CDH18: variants seen among roughly 807,000 people sequenced by gnomAD.
The protein encoded by CDH18 is cadherin 18, also known as cadherin-18.
CDH18 carries 31 observed loss-of-function variants against 67.9 expected under a neutral mutation model. That is an observed-to-expected ratio of 0.46 (90% CI 0.34 to 0.62). CDH18 has a LOEUF of 0.62. CDH18 is among the 20% of genes least tolerant of loss of function. The pLI, the probability that CDH18 is intolerant of heterozygous loss-of-function variation, is 0.01. For synonymous variants in CDH18, 362 were observed against 347.2 expected (o/e 1.04, Z -0.48); for missense variants, 890 against 975.5 (o/e 0.91, Z 1.17).
intron 10 of CDH18, among the ~76,000 whole-genome samples, chr5:19,512,293 T>G (rs1745249571): frequency 6.6e-6 from 1 of 152,208 alleles, no homozygotes; most frequent in Admixed American, 6.6e-5. Flanking sequence ...TAAATGAATT[T>G]TTAAAATTAT....
At chr5:20,320,601 A>G (rs138190902) in intron 1 of CDH18, among the ~76,000 whole-genome samples, 21 of 152,300 alleles carry the variant, frequency 1.4e-4, no homozygotes, top group African/African-American at 4.6e-4. Context: ...TTTACACATC[A>G]TTATCTCACT....
intron 2 of CDH18, among the ~76,000 whole-genome samples, chr5:20,039,283 AG>A (rs1740190075): frequency 6.6e-6 from 1 of 152,214 alleles, no homozygotes; most frequent in Admixed American, 6.5e-5. Flanking sequence ...AGTAATTTGT[AG>A]ATACAATGCT....
At position 19,473,259 on chromosome 5, in the gene CDH18, G is replaced by C. The variant is rs781003234; in HGVS notation, c.2340C>G (p.Leu780=). 6.2e-7 allele frequency: 1 copy of C among 1,613,382 alleles called. No individual in the cohort carries two copies. Among genetic ancestry groups the C allele is most frequent in the African/African-American group, 1.3e-5 (1 of 74,816 alleles). The change falls in exon 13 of 13, where the codon CTC becomes CTG. Residue 780 remains leucine (L), a synonymous_variant. Transcript: ENST00000382275. ...WGPEFKKLAE[L]YGEIESERTT ...TTCTTTCAGATTCTATTTCTCCATA[G>C]AGTTCAGCTAACTTTTTAAACTCGG... is the stretch of plus-strand genomic sequence containing the variant.
intron 2 of CDH18, among the ~76,000 whole-genome samples, chr5:20,206,438 T>C (rs1739896157): frequency 6.6e-6 from 1 of 151,546 alleles, no homozygotes; most frequent in Non-Finnish European, 1.5e-5. Flanking sequence ...ATTCAAAGTC[T>C]TCAAAAAAAA....
At chr5:19,587,208 T>C (rs562556459) in intron 7 of CDH18, among the ~76,000 whole-genome samples, 3 of 152,282 alleles carry the variant, frequency 2.0e-5, no homozygotes, top group Non-Finnish European at 4.4e-5. Flanking sequence ...AGCTATTTAG[T>C]TTAATTATTA....
intron 10 of CDH18, among the ~76,000 whole-genome samples, chr5:19,507,578 A>G (rs1744407645): frequency 6.6e-6 from 1 of 152,174 alleles, no homozygotes; most frequent in South Asian, 2.1e-4. Flanking sequence ...TGCAGCCATA[A>G]AAAATGATGA....
At position 19,683,103 on chromosome 5, in the gene CDH18, C is replaced by CTCTA. The variant is rs70950083; in HGVS notation, c.643+38240_643+38243dup. ...AAAATGTTCAAAGTTCAACATATAA[C>CTCTA]TCTATCTATCTATCTATCTATCTAG... On this transcript the variant is annotated intron_variant, in intron 5 of 12. Transcript: ENST00000382275. Among the ~76,000 whole-genome samples the CTCTA allele has an allele frequency of 4.1e-3, 605 of 149,148 alleles. 2 individuals are homozygous for CTCTA. Among genetic ancestry groups the CTCTA allele is most frequent in the South Asian group, 0.014 (65 of 4,740 alleles).
intron 1 of CDH18, among the ~76,000 whole-genome samples, chr5:20,529,964 T>G (rs1756299907): frequency 6.6e-6 from 1 of 152,054 alleles, no homozygotes; most frequent in Non-Finnish European, 1.5e-5. Flanking sequence ...TGTTTGCAGA[T>G]GACATGATCC....
At chr5:19,757,136 C>T (rs1771710219) in intron 3 of CDH18, among the ~76,000 whole-genome samples, 1 of 152,148 alleles carries the variant, frequency 6.6e-6, no homozygotes, top group African/African-American at 2.4e-5. Context: ...AAGTGAGTGC[C>T]TTAGTTAGAG....
chr5:20,063,314 T>C (rs986274262), intron 2 of CDH18, among the ~76,000 whole-genome samples: 4 of 151,812 alleles, frequency 2.6e-5, no homozygotes, highest in African/African-American at 9.7e-5. Flanking sequence ...CTATACTTTT[T>C]AATTTATTAA....
chr5:20,000,400 G>C (rs1736351876), intron 2 of CDH18, among the ~76,000 whole-genome samples: 1 of 152,088 alleles, frequency 6.6e-6, no homozygotes, highest in African/African-American at 2.4e-5. Context: ...TTTAGAGAAA[G>C]GATTACACAT....
chr5:19,922,055 T>C (rs1414615908), intron 2 of CDH18, among the ~76,000 whole-genome samples: 3 of 152,152 alleles, frequency 2.0e-5, no homozygotes, highest in African/African-American at 7.2e-5. Context: ...AATGTGAAGG[T>C]GGAGGGGTTG....
intron 1 of CDH18, among the ~76,000 whole-genome samples, chr5:20,302,971 A>G (rs1736078564): frequency 6.6e-6 from 1 of 152,236 alleles, no homozygotes; most frequent in Non-Finnish European, 1.5e-5. Flanking sequence ...CTCCCTTCCA[A>G]ACAGACATAT....
intron 2 of CDH18, among the ~76,000 whole-genome samples, chr5:19,940,691 T>C (rs1165171137): frequency 1.3e-5 from 2 of 152,026 alleles, no homozygotes; most frequent in East Asian, 3.9e-4. Flanking sequence ...TCATGGTTCC[T>C]GTCAATGTCA....
intron 1 of CDH18, among the ~76,000 whole-genome samples, chr5:20,312,468 T>C (rs1219380750): frequency 2.0e-5 from 3 of 152,180 alleles, no homozygotes; most frequent in South Asian, 2.1e-4. Flanking sequence ...TTACCACTTA[T>C]TAGGTTCTCG....
chr5:19,713,157 T>C (rs1218895309), intron 5 of CDH18, among the ~76,000 whole-genome samples: 2 of 151,400 alleles, frequency 1.3e-5, no homozygotes, highest in African/African-American at 4.8e-5. Context: ...TAGAGCGAGG[T>C]CACAAAAAAA....
At chr5:19,877,873 A>T (rs1438834631) in intron 2 of CDH18, 8 of 152,188 alleles carry the variant, frequency 5.3e-5, no homozygotes, top group Admixed American at 3.9e-4. Flanking sequence ...AGCTATTCAC[A>T]AAATCATTTC....
At chr5:20,523,496 T>C (rs544058333) in intron 1 of CDH18, among the ~76,000 whole-genome samples, 1 of 152,330 alleles carries the variant, frequency 6.6e-6, no homozygotes, top group African/African-American at 2.4e-5. Context: ...TTATAGCTGG[T>C]AATTTCTCAT....
At position 19,743,498 on chromosome 5, in the gene CDH18, A is replaced by T. The variant is rs1403507608; in HGVS notation, c.523+3444T>A. On this transcript the variant is annotated intron_variant, in intron 4 of 12. Transcript: ENST00000382275. ...GCCATTGCCGTGCCAAAACTACCAC[A>T]GACAATCTTCAAGTAAAGGAGTGTA... Among the ~76,000 whole-genome samples the T allele has an allele frequency of 2.0e-5, 3 of 151,632 alleles. No homozygotes were observed. The East Asian group carries it at 5.8e-4, about 29-fold the overall frequency.
Sources: gnomAD v4.1 joint callset for allele counts (sites outside exome capture counted in the v4.1 genomes callset) on GRCh38, gnomAD v4.1.1 for gene constraint, MANE v1.5 for transcripts, NCBI Gene and HGNC (gene_info 2026-07-23, HGNC 2026-07-21) for gene names.